ZC3H6: variants seen among roughly 807,000 people sequenced by gnomAD.
The protein encoded by ZC3H6 is zinc finger CCCH domain-containing protein 6.
Under a neutral mutation model 107.7 loss-of-function variants are expected in ZC3H6, and 40 were observed. The ratio of observed to expected loss-of-function variants is 0.37; its 90% confidence interval spans 0.29 to 0.48. The LOEUF (loss-of-function observed/expected upper bound fraction) is 0.48. Among genes scored for constraint, ZC3H6 ranks in the 20% least tolerant of loss-of-function variants. The probability of loss-of-function intolerance (pLI) is 0.98; values close to 1 mark genes in which losing one functional copy is unlikely to be tolerated. For synonymous variants in ZC3H6, 493 were observed against 487.9 expected (o/e 1.01, Z -0.14); for missense variants, 1,267 against 1,410.4 (o/e 0.90, Z 1.63).
At chr2:112,278,939 G>C (rs1686476898) in intron 1 of ZC3H6, among the ~76,000 whole-genome samples, 1 of 152,222 alleles carries the variant, frequency 6.6e-6, no homozygotes, top group South Asian at 2.1e-4. Flanking sequence ...GTTATATAGT[G>C]AACATTTTGC....
intron 9 of ZC3H6, 56 bp from the exon 10 acceptor site, chr2:112,324,096 A>G: frequency 6.7e-7 from 1 of 1,501,790 alleles, no homozygotes; most frequent in Admixed American, 2.2e-5. Context: ...AAGTGTTAAC[A>G]TTCTTGTTTG....
chr2:112,290,920 A>G (rs1405386760), intron 1 of ZC3H6, among the ~76,000 whole-genome samples: 2 of 151,430 alleles, frequency 1.3e-5, no homozygotes, highest in African/African-American at 4.9e-5. Flanking sequence ...AGTGTCTGCC[A>G]TATCAAGTAC....
At chr2:112,295,308 T>C (rs941912018) in intron 1 of ZC3H6, among the ~76,000 whole-genome samples, 1 of 152,148 alleles carries the variant, frequency 6.6e-6, no homozygotes, top group Non-Finnish European at 1.5e-5. Flanking sequence ...GAGGAACTTA[T>C]CTATTTGATG....
chr2:112,285,364 T>G (rs1686588302), intron 1 of ZC3H6, among the ~76,000 whole-genome samples: 1 of 152,084 alleles, frequency 6.6e-6, no homozygotes, highest in South Asian at 2.1e-4. Flanking sequence ...AGTAAATTTT[T>G]TTTTTTTTTT....
At chr2:112,289,908 T>C (rs1300629809) in intron 1 of ZC3H6, among the ~76,000 whole-genome samples, 1 of 152,078 alleles carries the variant, frequency 6.6e-6, no homozygotes, top group African/African-American at 2.4e-5. Flanking sequence ...CCTGGTTCAT[T>C]TTTGTATTTT....
Position 112,333,133 on chromosome 2 carries a change from A to T in ZC3H6, c.*645A>T, listed in dbSNP as rs1486335543. 6.6e-6 allele frequency: 1 copy of T among 152,568 alleles called. No homozygotes were observed. Among genetic ancestry groups the T allele is most frequent in the Non-Finnish European group, 1.5e-5 (1 of 67,986 alleles). 9.5% of individuals were successfully genotyped at this position (152,568 alleles called of 1,614,324 possible). A position where few individuals can be genotyped will look rare whatever the true frequency, so the allele number is the denominator to read the frequency against. ...GAAGTTGGAGGTATATAAATAGAAC[A>T]TTTTGCTAAAGTGAAAAATTTCCAA... On this transcript the variant is annotated 3_prime_UTR_variant, in exon 12 of 12. Coordinates refer to ENST00000409871, the MANE Select transcript of ZC3H6 (RefSeq NM_198581.3).
intron 9 of ZC3H6, among the ~76,000 whole-genome samples, chr2:112,323,496 T>A (rs1208625813): frequency 6.6e-6 from 1 of 152,216 alleles, no homozygotes; most frequent in Non-Finnish European, 1.5e-5. Flanking sequence ...GTATTTCTAC[T>A]AATGTCAGGA....
chr2:112,302,533 T>C (rs1676399574), intron 2 of ZC3H6, among the ~76,000 whole-genome samples: 1 of 152,094 alleles, frequency 6.6e-6, no homozygotes, highest in African/African-American at 2.4e-5. Context: ...GAGCCAGTGT[T>C]TTCATTGCTA....
intron 1 of ZC3H6, among the ~76,000 whole-genome samples, chr2:112,280,427 T>C (rs1308555134): frequency 1.3e-5 from 2 of 152,210 alleles, no homozygotes; most frequent in Non-Finnish European, 2.9e-5. Context: ...TAAACAAATA[T>C]TTCATTCATT....
At chr2:112,299,766 G>A in intron 1 of ZC3H6, 83 bp from the exon 2 acceptor site, 4 of 1,084,676 alleles carry the variant, frequency 3.7e-6, no homozygotes, top group East Asian at 3.0e-5. Flanking sequence ...TAAATCCTTG[G>A]CATATGCTTT....
Position 112,285,702 on chromosome 2 carries a change from G to A in ZC3H6, c.32+9676G>A, listed in dbSNP as rs137928584. Among the ~76,000 whole-genome samples, 497 of 152,198 alleles carry A rather than the reference G, an allele frequency of 3.3e-3. 6 individuals are homozygous for A. Among genetic ancestry groups the A allele is most frequent in the African/African-American group, 0.011 (477 of 41,562 alleles). ...TCTCGGGCCGTGTGTGGTGGCTCAC[G>A]CCTGTAATCTCAGCACTGTGGAAGG... On this transcript the variant is annotated intron_variant, in intron 1 of 11. Transcript: ENST00000409871.
rs1677077402 is a variant in ZC3H6 at position 112,333,461 on chromosome 2, A to T, written c.*973A>T. ...AATACAGATTGCTAGTATAGTCAAC[A>T]GTATTTGGCTATCAATAAAGAATCT... On this transcript the variant is annotated 3_prime_UTR_variant, in exon 12 of 12. Coordinates refer to ENST00000409871, the MANE Select transcript of ZC3H6 (RefSeq NM_198581.3). 6.6e-6 allele frequency: 1 copy of T among 152,512 alleles called. No homozygotes were observed. Among genetic ancestry groups the T allele is most frequent in the Non-Finnish European group, 1.5e-5 (1 of 67,982 alleles). 9.4% of individuals were successfully genotyped at this position (152,512 alleles called of 1,614,324 possible). A position where few individuals can be genotyped will look rare whatever the true frequency, so the allele number is the denominator to read the frequency against.
intron 1 of ZC3H6, among the ~76,000 whole-genome samples, chr2:112,288,629 C>G (rs1204356862): frequency 1.3e-5 from 2 of 152,218 alleles, no homozygotes. Context: ...TTGTGTTCTT[C>G]TACCTTGCTA....
intron 1 of ZC3H6, among the ~76,000 whole-genome samples, chr2:112,276,613 A>C (rs571696317): frequency 6.6e-6 from 1 of 152,342 alleles, no homozygotes; most frequent in South Asian, 2.1e-4. Flanking sequence ...TTAGTTTAGC[A>C]CAGTTTTACC....
chr2:112,317,114 C>A, intron 6 of ZC3H6, 107 bp from the exon 7 acceptor site: 1 of 615,284 alleles, frequency 1.6e-6, no homozygotes, highest in Non-Finnish European at 2.8e-6. Flanking sequence ...AGATAATGAC[C>A]ATAATTTTAC....
chr2:112,333,427 T>C lies in ZC3H6; in HGVS notation c.*939T>C, dbSNP rs1677077195. The C allele has an allele frequency of 6.6e-6, 1 of 152,540 alleles. No homozygotes were observed. Among genetic ancestry groups the C allele is most frequent in the Admixed American group, 6.5e-5 (1 of 15,272 alleles). The allele number at this position is 152,540 out of a possible 1,614,324, so 9.4% of individuals were successfully genotyped here. Reference sequence around the variant, plus strand: ...CTAGGTTCTGTATTTTTTTCTTAAATAGCAAGAAAATACAGATTGCTAGTA... The same window carrying C: ...CTAGGTTCTGTATTTTTTTCTTAAACAGCAAGAAAATACAGATTGCTAGTA... On this transcript the variant is annotated 3_prime_UTR_variant, in exon 12 of 12. Transcript: ENST00000409871.
intron 3 of ZC3H6, among the ~76,000 whole-genome samples, chr2:112,308,109 C>T (rs1192777754): frequency 2.0e-5 from 3 of 152,022 alleles, no homozygotes; most frequent in African/African-American, 4.8e-5. Context: ...CTTTAGTTTT[C>T]ATAGTGGCTT....
intron 11 of ZC3H6, among the ~76,000 whole-genome samples, chr2:112,326,130 A>G (rs1676902686): frequency 6.6e-6 from 1 of 152,134 alleles, no homozygotes; most frequent in Non-Finnish European, 1.5e-5. Context: ...AGGTATTTTG[A>G]TAGAGGCATG....
At position 112,332,631 on chromosome 2, in the gene ZC3H6, T is replaced by C. The variant is rs377717194; in HGVS notation, c.*143T>C. 22 of 740,730 alleles carry C rather than the reference T, an allele frequency of 3.0e-5. 1 individual carries two copies. The highest frequency in any genetic ancestry group is 4.0e-4 in the Middle Eastern group (1 of 2,496). The allele number at this position is 740,730 out of a possible 1,614,324, so 45.9% of individuals were successfully genotyped here. ...CTAGTATCAGAACCACATGAAGTTA[T>C]AGCCTCTAAAGCCTGTGGTATTTTA... On this transcript the variant is annotated 3_prime_UTR_variant, in exon 12 of 12. Coordinates refer to ENST00000409871, the MANE Select transcript of ZC3H6 (RefSeq NM_198581.3).
Sources: gnomAD v4.1 joint callset for allele counts (sites outside exome capture counted in the v4.1 genomes callset) on GRCh38, gnomAD v4.1.1 for gene constraint, MANE v1.5 for transcripts, NCBI Gene and HGNC (gene_info 2026-07-23, HGNC 2026-07-21) for gene names.